Variants in TBC1D9 observed in about 807,000 individuals in gnomAD.
The protein encoded by TBC1D9 is TBC1 domain family member 9, also known as TBC1 domain family member 9A.
A neutral mutation model predicts 132.0 loss-of-function variants in TBC1D9; 63 were observed. The observed-to-expected ratio is 0.48, with a 90% confidence interval of 0.39 to 0.59. The LOEUF (loss-of-function observed/expected upper bound fraction) is 0.59. Ranked by LOEUF, TBC1D9 falls within the 20% of genes least tolerant of loss-of-function variation. The probability of loss-of-function intolerance (pLI) is 0.00; values close to 1 mark genes in which losing one functional copy is unlikely to be tolerated. For missense variants in TBC1D9, 1,261 were observed against 1,592.7 expected (o/e 0.79, Z 3.54); for synonymous variants, 610 against 609.9 (o/e 1.00, Z 0.00).
chr4:140,711,585 T>C (rs897181079), intron 1 of TBC1D9, among the ~76,000 whole-genome samples: 10 of 152,298 alleles, frequency 6.6e-5, no homozygotes, highest in African/African-American at 2.2e-4. Flanking sequence ...GAAGAACAAC[T>C]TGGCAACGAA....
chr4:140,668,520 C>T (rs1186284684), intron 9 of TBC1D9, among the ~76,000 whole-genome samples: 3 of 152,264 alleles, frequency 2.0e-5, no homozygotes, highest in East Asian at 1.9e-4. Flanking sequence ...ATTCCCCACC[C>T]GATGACTGCT....
chr4:140,668,734 A>G (rs574638142), intron 9 of TBC1D9, among the ~76,000 whole-genome samples, 183 bp downstream of exon 9: 22 of 152,226 alleles, frequency 1.4e-4, no homozygotes, highest in Non-Finnish European at 2.6e-4. Context: ...TATGGGTCCT[A>G]TAGTTTTACA....
chr4:140,645,447 C>T (rs1046665956), intron 13 of TBC1D9: 22 of 422,220 alleles, frequency 5.2e-5, no homozygotes, highest in South Asian at 1.4e-4. Context: ...CTCTGGGTCG[C>T]GCTTCAGCTG....
chr4:140,686,441 G>C lies in TBC1D9; in HGVS notation c.263C>G (p.Thr88Ser). Residue 88 changes from threonine (T) to serine (S), a missense_variant, in exon 3 of 21, where the codon ACT becomes AGT. Coordinates refer to ENST00000442267, the MANE Select transcript of TBC1D9 (RefSeq NM_015130.3). ...IACGGSRKEI[T>S]EHWEWLEQNL... ...TTGCTCAAGCCATTCCCAGTGTTCA[G>C]TGATTTCTTTCCTGGAACCACCTGT... 6.2e-7 allele frequency: 1 copy of C among 1,609,304 alleles called. No individual in the cohort carries two copies. Among genetic ancestry groups the C allele is most frequent in the Non-Finnish European group, 8.5e-7 (1 of 1,176,840 alleles).
chr4:140,746,208 C>T (rs1348138068), intron 1 of TBC1D9, among the ~76,000 whole-genome samples: 1 of 152,178 alleles, frequency 6.6e-6, no homozygotes, highest in Non-Finnish European at 1.5e-5. Context: ...AAGTTCAGCG[C>T]CCTAAACATA....
intron 17 of TBC1D9, 85 bp from the exon 18 acceptor site, chr4:140,627,612 A>T: frequency 1.1e-6 from 1 of 912,872 alleles, no homozygotes. Context: ...AAAATGACAT[A>T]AGTGGGGATG....
Position 140,733,343 on chromosome 4 carries a change from C to T in TBC1D9, c.130+22573G>A, listed in dbSNP as rs956478085. On this transcript the variant is annotated intron_variant, in intron 1 of 20. Transcript: ENST00000442267. The stretch of plus-strand genomic sequence containing the variant: ...GTTATTAAATGTCCAGATACCAATC[C>T]CTCCTTTGTTCAGCTGATGTCAGGA... 2.0e-5 allele frequency among the ~76,000 whole-genome samples: 3 copies of T among 151,744 alleles called. No individual in the cohort carries two copies. In the East Asian group the frequency reaches 5.8e-4, roughly 29 times the overall value.
intron 17 of TBC1D9, 124 bp from the exon 18 acceptor site, chr4:140,627,651 G>T (rs753506915): frequency 1.7e-5 from 11 of 649,610 alleles, no homozygotes; most frequent in Admixed American, 2.5e-5. Flanking sequence ...GGTGGGATGG[G>T]GCCTTGAGTG....
At chr4:140,650,242 T>C (rs1270506081) in intron 13 of TBC1D9, among the ~76,000 whole-genome samples, 4 of 152,260 alleles carry the variant, frequency 2.6e-5, no homozygotes, top group Non-Finnish European at 5.9e-5. Context: ...AGGCAGCCAG[T>C]AGGCTAGAAA....
intron 2 of TBC1D9, among the ~76,000 whole-genome samples, chr4:140,693,297 C>T (rs1013454233): frequency 3.3e-5 from 5 of 152,128 alleles, no homozygotes; most frequent in Non-Finnish European, 5.9e-5. Flanking sequence ...CACTTTGCTG[C>T]CTTCTTACAT....
Position 140,670,881 on chromosome 4 carries a change from G to A in TBC1D9, c.1105C>T (p.Pro369Ser). 1 of 1,614,028 alleles carries A rather than the reference G, an allele frequency of 6.2e-7. No homozygotes were observed. Among genetic ancestry groups the A allele is most frequent in the African/African-American group, 1.3e-5 (1 of 75,044 alleles). ...CTGTTTCGGGTGCTGATGGATAAGG[G>A]ACTGGGGAGCACACTGGAGCTGTCT... ...KADSSSVLPS[P>S]LSISTRNRMT... The change falls in exon 7 of 21, where the codon CCC becomes TCC. Residue 369 changes from proline (P) to serine (S), a missense_variant. By Grantham distance (74) the Pro-to-Ser change is moderately conservative. Transcript: ENST00000442267.
chr4:140,686,780 A>T (rs1263810632), intron 2 of TBC1D9, among the ~76,000 whole-genome samples: 3 of 152,158 alleles, frequency 2.0e-5, no homozygotes, highest in Non-Finnish European at 2.9e-5. Context: ...AGTTTAGCAC[A>T]TCCCTCCCCT....
At chr4:140,748,627 C>A (rs1738874187) in intron 1 of TBC1D9, among the ~76,000 whole-genome samples, 1 of 152,176 alleles carries the variant, frequency 6.6e-6, no homozygotes. Context: ...AACAACAATT[C>A]AGAGTGACAG....
At position 140,700,821 on chromosome 4, in the gene TBC1D9, GAA is replaced by G. The variant is rs368747891; in HGVS notation, c.241+681_241+682del. On this transcript the variant is annotated intron_variant, in intron 2 of 20. Transcript: ENST00000442267. ...GGTGACAGAGTGAGACTCCGTCTGG[GAA>G]AAAAAAAAAAATTAAGACTAGTCAA... 639 of 144,658 alleles carry G rather than the reference GAA, an allele frequency of 4.4e-3. 3 individuals are homozygous for G. The highest frequency in any genetic ancestry group is 0.015 in the African/African-American group (598 of 39,526). The allele number at this position is 144,658 out of a possible 1,614,324, so 9.0% of individuals were successfully genotyped here.
At position 140,640,447 on chromosome 4, in the gene TBC1D9, T is replaced by TG. The variant is rs55770281; in HGVS notation, c.2338-1020dup. ...ATGACCTTATCTTAGGGTGGTGGGG[T>TG]GGGGGGGGGAGTAGGTGGGGGTGAT... is the stretch of plus-strand genomic sequence containing the variant. On this transcript the variant is annotated intron_variant, in intron 13 of 20. Coordinates refer to ENST00000442267, the MANE Select transcript of TBC1D9 (RefSeq NM_015130.3). Among the ~76,000 whole-genome samples the TG allele has an allele frequency of 2.2e-3, 241 of 108,074 alleles. 3 individuals are homozygous for TG. The highest frequency in any genetic ancestry group is 6.8e-3 in the African/African-American group (201 of 29,482). The allele number at this position is 108,074 out of a possible 152,430, so 70.9% of individuals were successfully genotyped here.
intron 1 of TBC1D9, among the ~76,000 whole-genome samples, chr4:140,718,592 A>G (rs1298687197): frequency 6.6e-6 from 1 of 152,180 alleles, no homozygotes; most frequent in African/African-American, 2.4e-5. Context: ...AATTACCAAC[A>G]TGGCTATTTT....
At chr4:140,722,081 A>G (rs1162806064) in intron 1 of TBC1D9, among the ~76,000 whole-genome samples, 3 of 152,032 alleles carry the variant, frequency 2.0e-5, no homozygotes, top group African/African-American at 4.8e-5. Flanking sequence ...TTTTTAATCA[A>G]TGGAAGTAGT....
intron 13 of TBC1D9, chr4:140,643,490 G>T: frequency 2.3e-6 from 2 of 875,168 alleles, no homozygotes; most frequent in South Asian, 2.8e-5. Flanking sequence ...GCACAGGCAC[G>T]GCCTCCCGGG....
chr4:140,744,879 TAAAAA>T (rs34469042), intron 1 of TBC1D9, among the ~76,000 whole-genome samples: 3 of 107,512 alleles, frequency 2.8e-5, no homozygotes, highest in Admixed American at 2.1e-4. Context: ...CAAGAGTGTT[TAAAAA>T]AAAAAAAAAA....
Sources: allele counts gnomAD v4.1 joint callset (sites outside exome capture counted in the v4.1 genomes callset), GRCh38; gene constraint gnomAD v4.1.1; transcripts MANE v1.5; gene names NCBI Gene and HGNC (gene_info 2026-07-23, HGNC 2026-07-21).